LAMA1: variants seen among roughly 807,000 people sequenced by gnomAD.
LAMA1 encodes laminin subunit alpha 1.
LAMA1 carries 219 observed loss-of-function variants against 348.7 expected under a neutral mutation model. That is an observed-to-expected ratio of 0.63 (90% CI 0.56 to 0.70). The LOEUF is 0.70. LAMA1 is among the 30% of genes least tolerant of loss of function. The probability of loss-of-function intolerance (pLI) is 0.00; values close to 1 mark genes in which losing one functional copy is unlikely to be tolerated. For missense variants in LAMA1, 3,744 were observed against 3,888.0 expected (o/e 0.96, Z 0.99); for synonymous variants, 1,487 against 1,491.0 (o/e 1.00, Z 0.06).
intron 1 of LAMA1, among the ~76,000 whole-genome samples, chr18:7,094,157 G>A (rs1003291734): frequency 4.6e-5 from 7 of 152,150 alleles, no homozygotes; most frequent in African/African-American, 1.7e-4. Flanking sequence ...GGTCTGGAGT[G>A]GGGCTGAGAT....
At chr18:7,057,591 C>G (rs1295529945) in intron 3 of LAMA1, among the ~76,000 whole-genome samples, 1 of 150,292 alleles carries the variant, frequency 6.7e-6, no homozygotes, top group African/African-American at 2.4e-5. Flanking sequence ...TCTCCTACCT[C>G]AGCCTCCCAA....
chr18:6,983,075 A>T (rs202220977), intron 40 of LAMA1, 24 bp downstream of exon 40: 1 of 1,614,024 alleles, frequency 6.2e-7, no homozygotes, highest in Non-Finnish European at 8.5e-7. Flanking sequence ...AGAGCCCAGA[A>T]AAAGAAGCCA....
intron 16 of LAMA1, among the ~76,000 whole-genome samples, chr18:7,030,189 G>T (rs767640284): frequency 2.6e-5 from 4 of 152,146 alleles, no homozygotes; most frequent in Non-Finnish European, 5.9e-5. Context: ...AAGACACAAT[G>T]ATATCCTATC....
intron 23 of LAMA1, among the ~76,000 whole-genome samples, chr18:7,013,186 G>A (rs1024324558): frequency 1.3e-5 from 2 of 151,764 alleles, no homozygotes; most frequent in Non-Finnish European, 2.9e-5. Flanking sequence ...GGCCGAAAAC[G>A]GGGAGACTGA....
rs149773363 is a variant in LAMA1 at position 6,951,161 on chromosome 18, G to C, written c.8208-190C>G. Among the ~76,000 whole-genome samples, 286 of 152,228 alleles carry C rather than the reference G, an allele frequency of 1.9e-3. 1 individual carries two copies. The highest frequency in any genetic ancestry group is 6.2e-3 in the African/African-American group (259 of 41,546). On this transcript the variant is annotated intron_variant, in intron 57 of 62. Transcript: ENST00000389658. ...ATTAGTGCCTACCTCTGTCTGCCGG[G>C]AACTGTTTCAGGATGAGGATAAAGC...
rs563519379 is a variant in LAMA1, at chr18:7,029,222, G to T, written c.2274+2844C>A. Among the ~76,000 whole-genome samples the T allele has an allele frequency of 3.9e-5, 6 of 152,262 alleles. No homozygotes were observed. In the East Asian group the frequency reaches 9.7e-4, roughly 25 times the overall value. On this transcript the variant is annotated intron_variant, in intron 16 of 62. Coordinates refer to ENST00000389658, the MANE Select transcript of LAMA1 (RefSeq NM_005559.4). Reference sequence around the variant, plus strand: ...TAGACTCTGGTTCAGGGGATCTGAGGTGGGGCCTGAGTTTCTGCACTTCTA... The same window carrying T: ...TAGACTCTGGTTCAGGGGATCTGAGTTGGGGCCTGAGTTTCTGCACTTCTA...
rs116565321 is a variant in LAMA1, at chr18:7,044,188, G to A, written c.976+534C>T. Among the ~76,000 whole-genome samples, 1,217 of 142,290 alleles carry A rather than the reference G, an allele frequency of 8.6e-3. 22 individuals carry two copies. Among genetic ancestry groups the A allele is most frequent in the African/African-American group, 0.03 (1,161 of 38,402 alleles). The allele number at this position is 142,290 out of a possible 152,430, so 93.3% of individuals were successfully genotyped here. ...AAAAAAAAAAAAAAAAAAAAAAAGC[G>A]ATATGTACAATGGCATGCATAGTAC... is the stretch of plus-strand genomic sequence containing the variant. On this transcript the variant is annotated intron_variant, in intron 7 of 62. Transcript: ENST00000389658.
At position 7,015,857 on chromosome 18, in the gene LAMA1, G is replaced by A. The variant is rs768515946; in HGVS notation, c.2991C>T (p.Pro997=). The change falls in exon 22 of 63, where the codon CCC becomes CCT. Residue 997 remains proline, a splice_region_variant and synonymous_variant. Coordinates refer to ENST00000389658, the MANE Select transcript of LAMA1 (RefSeq NM_005559.4). ...FYAYQDGSCT[P]CDCPHTQNTC... is the part of the protein sequence containing the mutation. ...TATTCTGAGTGTGTGGGCAGTCACA[G>A]GCTGAAATAAAGATGAATGCTGGGT... 1.2e-6 allele frequency: 2 copies of A among 1,614,158 alleles called. No homozygotes were observed. Among genetic ancestry groups the A allele is most frequent in the Non-Finnish European group, 1.7e-6 (2 of 1,180,026 alleles).
intron 3 of LAMA1, 115 bp downstream of exon 3, chr18:7,079,860 T>G (rs540960830): frequency 1.3e-6 from 1 of 778,620 alleles, no homozygotes; most frequent in South Asian, 1.5e-5. Flanking sequence ...CTGGTGGAAA[T>G]AGTGAGATTA....
At chr18:7,094,597 A>G (rs959907265) in intron 1 of LAMA1, among the ~76,000 whole-genome samples, 4 of 152,128 alleles carry the variant, frequency 2.6e-5, no homozygotes, top group African/African-American at 9.7e-5. Context: ...AGAACTCCAG[A>G]TTCCTCACTC....
chr18:7,113,602 CAA>C (rs970253100), intron 1 of LAMA1, among the ~76,000 whole-genome samples: 1 of 152,104 alleles, frequency 6.6e-6, no homozygotes, highest in Non-Finnish European at 1.5e-5. Context: ...GAATTTTAAA[CAA>C]GAGTAGGAGC....
At chr18:7,083,015 C>T (rs144190360) in intron 1 of LAMA1, among the ~76,000 whole-genome samples, 119 of 152,148 alleles carry the variant, frequency 7.8e-4, no homozygotes, top group Non-Finnish European at 1.3e-3. Flanking sequence ...GGAGGCACCA[C>T]ACACTGTGTA....
At position 7,008,943 on chromosome 18, in the gene LAMA1, T is replaced by C. The variant is rs537231962; in HGVS notation, c.4001+296A>G. 2.6e-5 allele frequency among the ~76,000 whole-genome samples: 4 copies of C among 152,326 alleles called. No individual in the cohort carries two copies. In the South Asian group the frequency reaches 6.2e-4, roughly 24 times the overall value. On this transcript the variant is annotated intron_variant, in intron 27 of 62. Transcript: ENST00000389658. ...TTCTTTATACATCACTACGAAGACATGGGCATTTCAGTTTTCATGTGCAGA... is the reference window on the plus strand; with the variant it reads ...TTCTTTATACATCACTACGAAGACACGGGCATTTCAGTTTTCATGTGCAGA...
chr18:7,023,294 G>A lies in LAMA1; in HGVS notation c.2571C>T (p.Pro857=), dbSNP rs1291566819. The change falls in exon 19 of 63, where the codon CCC becomes CCT. Residue 857 remains proline (P), a synonymous_variant. Coordinates refer to ENST00000389658, the MANE Select transcript of LAMA1 (RefSeq NM_005559.4). ...CTGAGTCACAGTGACCAGCCTCCGA[G>A]GGGTCCACGTTGCCGCTGCAGTCAC... is the stretch of plus-strand genomic sequence containing the variant. ...VPCDCSGNVD[P]SEAGHCDSVT... The A allele has an allele frequency of 1.9e-6, 3 of 1,614,164 alleles. No homozygotes were observed. Among genetic ancestry groups the A allele is most frequent in the Non-Finnish European group, 2.5e-6 (3 of 1,180,026 alleles).
intron 61 of LAMA1, among the ~76,000 whole-genome samples, chr18:6,945,169 A>T (rs954060457): frequency 6.6e-6 from 1 of 152,206 alleles, no homozygotes. Flanking sequence ...TTTTGGGATT[A>T]CAGGTGTTAG....
Position 7,023,314 on chromosome 18 carries a change from A to C in LAMA1, c.2551T>G (p.Cys851Gly), listed in dbSNP as rs1266133157. ...VPGESCVPCD[C>G]SGNVDPSEAG... ...TCCGAGGGGTCCACGTTGCCGCTGC[A>C]GTCACAGGGAACACAAGATTCGCCA... The change falls in exon 19 of 63, where the codon TGC becomes GGC. Residue 851 changes from cysteine (C) to glycine (G), a missense_variant. Around this residue, in one of 3 missense-constraint regions of LAMA1, gnomAD observed 1,529 missense variants for 1,689.4 expected, o/e 0.91. Transcript: ENST00000389658. 45 of 1,614,070 alleles carry C rather than the reference A, an allele frequency of 2.8e-5. No homozygotes were observed. The highest frequency in any genetic ancestry group is 3.7e-5 in the Non-Finnish European group (44 of 1,180,048).
chr18:7,037,646 T>C lies in LAMA1; in HGVS notation c.1669A>G (p.Thr557Ala). The C allele has an allele frequency of 6.2e-7, 1 of 1,613,858 alleles. No homozygotes were observed. Among genetic ancestry groups the C allele is most frequent in the Non-Finnish European group, 8.5e-7 (1 of 1,179,958 alleles). The part of the protein sequence containing the change: ...GGRHQVSINN[T>A]AVMQRLAPKY... Reference sequence around the variant, plus strand: ...GGAGCCAGTCTCTGCATGACCGCGGTGTTGTTGATGCTGACCTGATGGCGC... The same window carrying C: ...GGAGCCAGTCTCTGCATGACCGCGGCGTTGTTGATGCTGACCTGATGGCGC... Residue 557 changes from threonine to alanine, a missense_variant, in exon 12 of 63, where the codon ACC becomes GCC. This residue lies in a region of LAMA1 where 1,529 missense variants were observed against 1,689.4 expected (regional missense o/e 0.91). Coordinates refer to ENST00000389658, the MANE Select transcript of LAMA1 (RefSeq NM_005559.4).
chr18:7,043,882 G>A (rs1242841263), intron 7 of LAMA1, among the ~76,000 whole-genome samples: 3 of 152,138 alleles, frequency 2.0e-5, no homozygotes, highest in Non-Finnish European at 4.4e-5. Flanking sequence ...TGGGCTGGGC[G>A]CCATGGCACA....
At chr18:6,971,395 T>C (rs1432957018) in intron 48 of LAMA1, among the ~76,000 whole-genome samples, 1 of 152,148 alleles carries the variant, frequency 6.6e-6, no homozygotes, top group African/African-American at 2.4e-5. Context: ...CGTGAAAAAA[T>C]TCTTATCCTT....
Sources: allele counts gnomAD v4.1 joint callset (sites outside exome capture counted in the v4.1 genomes callset), GRCh38; gene constraint gnomAD v4.1.1; regional missense constraint gnomAD v4.1.1; transcripts MANE v1.5; gene names NCBI Gene and HGNC (gene_info 2026-07-23, HGNC 2026-07-21).